TRABD2B: variants seen among roughly 807,000 people sequenced by gnomAD.
The protein encoded by TRABD2B is TraB domain containing 2B.
In TRABD2B, 14 loss-of-function variants were observed where a neutral mutation model predicts 40.1. That is an observed-to-expected ratio of 0.35 (90% confidence interval 0.23 to 0.55). The LOEUF (loss-of-function observed/expected upper bound fraction) is 0.55. TRABD2B is among the 20% of genes least tolerant of loss of function. TRABD2B has a pLI of 0.90. For missense variants in TRABD2B, 541 were observed against 648.6 expected, an observed-to-expected ratio of 0.83 and a Z score of 1.80; for synonymous variants, 263 against 277.0, an observed-to-expected ratio of 0.95 and a Z score of 0.50.
chr1:47,951,553 T>C (rs1645344423), intron 2 of TRABD2B, among the ~76,000 whole-genome samples: 1 of 152,138 alleles, frequency 6.6e-6, no homozygotes, highest in African/African-American at 2.4e-5. Context: ...AGGGGCAGGC[T>C]CCAGGCTAGG....
chr1:47,791,931 G>C (rs1644679295), intron 4 of TRABD2B, among the ~76,000 whole-genome samples: 1 of 152,186 alleles, frequency 6.6e-6, no homozygotes, highest in Non-Finnish European at 1.5e-5. Context: ...CTTTCTGGGG[G>C]CTTTGCTCAT....
chr1:47,964,991 G>A (rs570154697), intron 2 of TRABD2B, among the ~76,000 whole-genome samples: 2 of 151,954 alleles, frequency 1.3e-5, no homozygotes, highest in African/African-American at 2.4e-5. Flanking sequence ...AGGGCACTGA[G>A]CCATCTGACT....
chr1:47,807,910 T>C (rs1419276349), intron 2 of TRABD2B, among the ~76,000 whole-genome samples: 1 of 152,132 alleles, frequency 6.6e-6, no homozygotes, highest in African/African-American at 2.4e-5. Context: ...GGAGATTCAG[T>C]ATGGTTGAAG....
At chr1:47,825,032 A>C (rs534231191) in intron 2 of TRABD2B, among the ~76,000 whole-genome samples, 2 of 152,180 alleles carry the variant, frequency 1.3e-5, no homozygotes, top group Non-Finnish European at 2.9e-5. Context: ...CCACGGGGGA[A>C]TCTCAGGCTC....
At position 47,761,964 on chromosome 1, in the gene TRABD2B, C is replaced by T. The variant is rs1644248422; in HGVS notation, c.*3938G>A. The stretch of plus-strand genomic sequence containing the variant: ...AGGGTACAAAAACAAATTTACATGA[C>T]CCCTGCCATTAAGCTGCTCACAGTC... On this transcript the variant is annotated 3_prime_UTR_variant, in exon 7 of 7. Coordinates refer to ENST00000606738, the MANE Select transcript of TRABD2B (RefSeq NM_001194986.2). 1.3e-5 allele frequency: 2 copies of T among 152,142 alleles called. No homozygotes were observed. The allele number at this position is 152,142 out of a possible 1,614,324, so 9.4% of individuals were successfully genotyped here.
At chr1:47,766,450 G>T (rs781158339) in intron 6 of TRABD2B, among the ~76,000 whole-genome samples, 14 of 152,158 alleles carry the variant, frequency 9.2e-5, no homozygotes, top group Non-Finnish European at 1.9e-4. Context: ...CCATGGGGTG[G>T]TCAGTCATCG....
Position 47,763,234 on chromosome 1 carries a change from T to C in TRABD2B, c.*2668A>G, listed in dbSNP as rs1644263029. The C allele has an allele frequency of 6.6e-6, 1 of 152,210 alleles. No individual in the cohort carries two copies. The highest frequency in any genetic ancestry group is 6.5e-5 in the Admixed American group (1 of 15,280). 9.4% of individuals were successfully genotyped at this position (152,210 alleles called of 1,614,324 possible). The stretch of plus-strand genomic sequence containing the variant: ...GTCTTTTGGGTCATAAGTCAGCAAG[T>C]TGAGTTCATTTCAGACCCTGGCCAG... On this transcript the variant is annotated 3_prime_UTR_variant, in exon 7 of 7. Coordinates refer to ENST00000606738, the MANE Select transcript of TRABD2B (RefSeq NM_001194986.2).
chr1:47,921,720 TATGTGTGCGATG>T (rs1459304508), intron 2 of TRABD2B, among the ~76,000 whole-genome samples: 1 of 152,214 alleles, frequency 6.6e-6, no homozygotes, highest in African/African-American at 2.4e-5. Flanking sequence ...GGATGTGTGC[TATGTGTGCGATG>T]GAGTGTGCTA....
chr1:47,773,499 G>T (rs1480569697), intron 6 of TRABD2B, among the ~76,000 whole-genome samples: 1 of 152,240 alleles, frequency 6.6e-6, no homozygotes, highest in Non-Finnish European at 1.5e-5. Context: ...GGAGATAATT[G>T]AATCATGGGG....
At chr1:47,777,726 G>A (rs1369735219) in intron 5 of TRABD2B, among the ~76,000 whole-genome samples, 2 of 152,320 alleles carry the variant, frequency 1.3e-5, no homozygotes, top group East Asian at 1.9e-4. Context: ...TGGAGCACGA[G>A]CTGCATGGAA....
chr1:47,828,192 C>G (rs1203348814), intron 2 of TRABD2B, among the ~76,000 whole-genome samples: 1 of 152,192 alleles, frequency 6.6e-6, no homozygotes, highest in African/African-American at 2.4e-5. Flanking sequence ...CTCTCTAGGG[C>G]TCCTGGGTTC....
At chr1:47,867,488 C>T (rs1222868187) in intron 2 of TRABD2B, among the ~76,000 whole-genome samples, 2 of 152,136 alleles carry the variant, frequency 1.3e-5, no homozygotes, top group African/African-American at 2.4e-5. Context: ...TGGCTTCCTT[C>T]CATTTTTCTG....
intron 4 of TRABD2B, among the ~76,000 whole-genome samples, chr1:47,780,034 T>A (rs192219524): frequency 4.3e-4 from 66 of 152,226 alleles, no homozygotes; most frequent in Admixed American, 9.2e-4. Flanking sequence ...GTTTCACAAC[T>A]CCTCAGGAAG....
intron 2 of TRABD2B, among the ~76,000 whole-genome samples, chr1:47,816,826 T>G (rs1008434917): frequency 2.0e-5 from 3 of 152,170 alleles, no homozygotes; most frequent in Non-Finnish European, 4.4e-5. Flanking sequence ...TGTGAGGTGG[T>G]TCTCAATTTT....
In TRABD2B at chr1:47,996,669, C is replaced by A; in HGVS notation, c.102+19G>T. 1 of 1,228,462 alleles carries A rather than the reference C, an allele frequency of 8.1e-7. No individual in the cohort carries two copies. The highest frequency in any genetic ancestry group is 1.0e-6 in the Non-Finnish European group (1 of 984,730). 76.1% of individuals were successfully genotyped at this position (1,228,462 alleles called of 1,614,324 possible). A position where few individuals can be genotyped will look rare whatever the true frequency, so the allele number is the denominator to read the frequency against. ...ATACCCAGGCAGGCGGGAGAGTGGC[C>A]GGGCAGGCGCTCGCTCACCGATCCG... On this transcript the variant is annotated intron_variant, in intron 1 of 6. Coordinates refer to ENST00000606738, the MANE Select transcript of TRABD2B (RefSeq NM_001194986.2). This position sits in a 1 kb window ranked among gnomAD's most constrained non-coding sequence, Gnocchi z 4.6.
At chr1:47,946,422 T>C (rs934037789) in intron 2 of TRABD2B, among the ~76,000 whole-genome samples, 5 of 152,310 alleles carry the variant, frequency 3.3e-5, no homozygotes, top group African/African-American at 1.2e-4. Context: ...CTAGTCCTAG[T>C]TTACTGAGAG....
intron 2 of TRABD2B, among the ~76,000 whole-genome samples, chr1:47,871,950 C>G (rs764337178): frequency 2.0e-5 from 3 of 152,222 alleles, no homozygotes; most frequent in Non-Finnish European, 4.4e-5. Context: ...CGTCAGTGCA[C>G]TGGTGCACTC....
chr1:47,997,221 G>A lies in TRABD2B; in HGVS notation c.-432C>T. The stretch of plus-strand genomic sequence containing the variant: ...GGTCCCAGGGGTGCGCGGCGCTCCA[G>A]GAGGCGCGCAGTGGGACAAGTGCGG... On this transcript the variant is annotated 5_prime_UTR_variant, in exon 1 of 7. Transcript: ENST00000606738. 1 of 983,144 alleles carries A rather than the reference G, an allele frequency of 1.0e-6. No homozygotes were observed. The highest frequency in any genetic ancestry group is 1.2e-6 in the Non-Finnish European group (1 of 829,126). 60.9% of individuals were successfully genotyped at this position (983,144 alleles called of 1,614,324 possible).
chr1:47,768,304 C>A (rs1273342007), intron 6 of TRABD2B, among the ~76,000 whole-genome samples: 2 of 149,654 alleles, frequency 1.3e-5, no homozygotes, highest in African/African-American at 2.5e-5. Flanking sequence ...GATGGCGTTT[C>A]TGAGTAGAGT....
Sources: allele counts gnomAD v4.1 joint callset (sites outside exome capture counted in the v4.1 genomes callset), GRCh38; gene constraint gnomAD v4.1.1; non-coding constraint Gnocchi (gnomAD v3.1); transcripts MANE v1.5; gene names NCBI Gene and HGNC (gene_info 2026-07-23, HGNC 2026-07-21).